Variants in KCNQ5 observed in about 807,000 individuals in gnomAD.
KCNQ5 encodes potassium voltage-gated channel subfamily Q member 5.
Under a neutral mutation model 98.2 loss-of-function variants are expected in KCNQ5, and 30 were observed. The ratio of observed to expected loss-of-function variants is 0.31; its 90% CI spans 0.23 to 0.41. KCNQ5 has a LOEUF of 0.41. Among genes scored for constraint, KCNQ5 ranks in the 10% least tolerant of loss-of-function variants. The pLI, the probability that KCNQ5 is intolerant of heterozygous loss-of-function variation, is 1.00. For synonymous variants in KCNQ5, 458 were observed against 449.4 expected (o/e 1.02, Z -0.24); for missense variants, 835 against 1,182.5 (o/e 0.71, Z 4.31).
At chr6:72,961,317 A>G (rs1489140196) in intron 1 of KCNQ5, among the ~76,000 whole-genome samples, 1 of 152,188 alleles carries the variant, frequency 6.6e-6, no homozygotes, top group Non-Finnish European at 1.5e-5. Context: ...ATTTCAGGTT[A>G]AAGTGGAGTG....
chr6:72,746,360 A>T (rs1400448053), intron 1 of KCNQ5, among the ~76,000 whole-genome samples: 1 of 152,120 alleles, frequency 6.6e-6, no homozygotes, highest in East Asian at 1.9e-4. Flanking sequence ...GTTTCTTGAT[A>T]CCCAGTCTTC....
chr6:73,049,120 T>C (rs1044251375), intron 3 of KCNQ5, among the ~76,000 whole-genome samples: 3 of 152,188 alleles, frequency 2.0e-5, no homozygotes, highest in Admixed American at 6.5e-5. Context: ...CCCCTGCACA[T>C]GGCTTTGAAA....
chr6:73,174,150 A>C (rs1343096637), intron 11 of KCNQ5, among the ~76,000 whole-genome samples: 1 of 151,772 alleles, frequency 6.6e-6, no homozygotes, highest in Non-Finnish European at 1.5e-5. Context: ...AATTGCTATT[A>C]AAAGTTTCTA....
chr6:72,759,997 G>A (rs1169374027), intron 1 of KCNQ5, among the ~76,000 whole-genome samples: 1 of 152,068 alleles, frequency 6.6e-6, no homozygotes, highest in Admixed American at 6.6e-5. Flanking sequence ...CTAAAAGGGT[G>A]AAGGGACAAG....
intron 3 of KCNQ5, chr6:73,055,600 A>G: frequency 1.5e-6 from 2 of 1,315,024 alleles, no homozygotes; most frequent in Non-Finnish European, 2.2e-6. Flanking sequence ...ATGAAGAAGT[A>G]TTTCCCCAGA....
At chr6:72,746,837 T>A (rs1474992393) in intron 1 of KCNQ5, among the ~76,000 whole-genome samples, 1 of 152,168 alleles carries the variant, frequency 6.6e-6, no homozygotes. Context: ...TACATTCTTG[T>A]GTTAAACTAA....
intron 1 of KCNQ5, among the ~76,000 whole-genome samples, chr6:72,904,615 A>G (rs1285926404): frequency 1.3e-5 from 2 of 152,212 alleles, no homozygotes; most frequent in South Asian, 4.2e-4. Context: ...TCTTTCCTTC[A>G]TATATGAAGC....
intron 10 of KCNQ5, among the ~76,000 whole-genome samples, chr6:73,149,799 A>C (rs2150479240): frequency 6.9e-6 from 1 of 144,716 alleles, no homozygotes; most frequent in South Asian, 2.1e-4. Context: ...TCCGAAAAAA[A>C]AAAAAAAAGA....
At chr6:72,871,650 T>C (rs1220997516) in intron 1 of KCNQ5, among the ~76,000 whole-genome samples, 1 of 152,188 alleles carries the variant, frequency 6.6e-6, no homozygotes, top group Middle Eastern at 3.2e-3. Context: ...ATATTTAACC[T>C]AAATGTAAAC....
chr6:72,859,325 A>G (rs1173479349), intron 1 of KCNQ5, among the ~76,000 whole-genome samples: 1 of 152,196 alleles, frequency 6.6e-6, no homozygotes, highest in Non-Finnish European at 1.5e-5. Flanking sequence ...GATAGAAATT[A>G]TATTTTTTTA....
chr6:72,966,727 A>C (rs1462090828), intron 1 of KCNQ5, among the ~76,000 whole-genome samples: 1 of 152,244 alleles, frequency 6.6e-6, no homozygotes, highest in Admixed American at 6.5e-5. Context: ...TGACTGGATC[A>C]TGAGCAGGGC....
intron 2 of KCNQ5, among the ~76,000 whole-genome samples, chr6:73,026,752 C>G (rs1226749346): frequency 6.6e-6 from 1 of 152,020 alleles, no homozygotes; most frequent in Non-Finnish European, 1.5e-5. Flanking sequence ...AAAGCGATTT[C>G]TGTGTATCAG....
chr6:72,736,502 C>CTTTTTTTTTTTTTTT (rs752921476), intron 1 of KCNQ5, among the ~76,000 whole-genome samples: 2 of 121,024 alleles, frequency 1.7e-5, no homozygotes, highest in Admixed American at 1.9e-4. Flanking sequence ...AAAAAGATTT[C>CTTTTTTTTTTTTTTT]TTTTTTTTTT....
At chr6:72,679,551 C>T (rs1165751670) in intron 1 of KCNQ5, among the ~76,000 whole-genome samples, 1 of 124,284 alleles carries the variant, frequency 8.0e-6, no homozygotes, top group Non-Finnish European at 1.6e-5. Context: ...GGAAGGGGAA[C>T]ATCACACTCT....
chr6:72,671,635 C>G (rs959972615), intron 1 of KCNQ5, among the ~76,000 whole-genome samples: 3 of 152,106 alleles, frequency 2.0e-5, no homozygotes, highest in African/African-American at 7.2e-5. Context: ...GTAATACTTT[C>G]ATCTTTATAC....
intron 3 of KCNQ5, among the ~76,000 whole-genome samples, chr6:73,065,830 G>C (rs1350785069): frequency 6.6e-6 from 1 of 152,188 alleles, no homozygotes; most frequent in Non-Finnish European, 1.5e-5. Flanking sequence ...CCTCTGAGAT[G>C]CTTTCCCATT....
At chr6:73,139,327 G>T (rs117368254) in intron 10 of KCNQ5, among the ~76,000 whole-genome samples, 1 of 152,152 alleles carries the variant, frequency 6.6e-6, no homozygotes, top group South Asian at 2.1e-4. Flanking sequence ...GCTGGATCTC[G>T]GCCAGACTCC....
intron 1 of KCNQ5, among the ~76,000 whole-genome samples, chr6:72,918,872 G>A (rs758612870): frequency 1.1e-4 from 16 of 152,222 alleles, no homozygotes; most frequent in Non-Finnish European, 2.2e-4. Flanking sequence ...GTTGCATGAA[G>A]TCCAGATTTA....
intron 1 of KCNQ5, among the ~76,000 whole-genome samples, chr6:72,939,632 T>C (rs1241015802): frequency 6.6e-6 from 1 of 152,194 alleles, no homozygotes; most frequent in Non-Finnish European, 1.5e-5. Flanking sequence ...AGAAGCCTCA[T>C]GTATGCTTCC....
Sources: allele counts gnomAD v4.1 joint callset (sites outside exome capture counted in the v4.1 genomes callset), GRCh38; gene constraint gnomAD v4.1.1; transcripts MANE v1.5; gene names NCBI Gene and HGNC (gene_info 2026-07-23, HGNC 2026-07-21).